The following KAZN variants were observed in gnomAD, a reference collection of about 807,000 sequenced individuals.
KAZN encodes kazrin, periplakin interacting protein.
KAZN carries 40 observed loss-of-function variants against 87.4 expected under a neutral mutation model. That is an observed-to-expected ratio of 0.46 (90% CI 0.36 to 0.60). KAZN has a LOEUF of 0.60. KAZN is among the 20% of genes least tolerant of loss of function. The pLI is 0.00. For missense variants in KAZN, 898 were observed against 1,073.9 expected, an observed-to-expected ratio of 0.84 and a Z score of 2.29; for synonymous variants, 466 against 458.3, an observed-to-expected ratio of 1.02 and a Z score of -0.22.
Position 14,194,751 on chromosome 1 carries a change from G to A in KAZN, c.249+14159G>A, listed in dbSNP as rs147909745. 3.4e-3 allele frequency among the ~76,000 whole-genome samples: 525 copies of A among 152,272 alleles called. 1 individual carries two copies. Among genetic ancestry groups the A allele is most frequent in the Middle Eastern group, 6.8e-3 (2 of 294 alleles). ...GGAGGGCATGGGCCCTTGAGGGAACGTAGCCAGCCTAAATCAGAGCAGCTG... is the reference window on the plus strand; with the variant it reads ...GGAGGGCATGGGCCCTTGAGGGAACATAGCCAGCCTAAATCAGAGCAGCTG... On this transcript the variant is annotated intron_variant, in intron 2 of 16. Transcript: ENST00000636203.
At chr1:14,060,173 C>G (rs1218543425) in intron 1 of KAZN, among the ~76,000 whole-genome samples, 1 of 152,004 alleles carries the variant, frequency 6.6e-6, no homozygotes, top group African/African-American at 2.4e-5. Context: ...ACCATCCTAG[C>G]TAACACAGTG....
chr1:14,327,668 G>T (rs1298744007), intron 2 of KAZN, among the ~76,000 whole-genome samples: 2 of 151,808 alleles, frequency 1.3e-5, no homozygotes, highest in Non-Finnish European at 2.9e-5. Flanking sequence ...AACCTGGAAA[G>T]TTGTGGTAGA....
intron 3 of KAZN, among the ~76,000 whole-genome samples, chr1:15,043,070 A>G (rs921355740): frequency 3.9e-5 from 6 of 152,320 alleles, no homozygotes; most frequent in Admixed American, 6.5e-5. Flanking sequence ...GGACAATCAC[A>G]GAAAACAGCT....
chr1:14,321,114 C>G (rs916854586), intron 2 of KAZN, among the ~76,000 whole-genome samples: 3 of 152,256 alleles, frequency 2.0e-5, no homozygotes, highest in Middle Eastern at 3.4e-3. Context: ...AAAAAATGTA[C>G]CATGAAGCAC....
At chr1:14,255,135 A>G (rs868373063) in intron 2 of KAZN, among the ~76,000 whole-genome samples, 10 of 140,652 alleles carry the variant, frequency 7.1e-5, no homozygotes, top group East Asian at 4.2e-4. Context: ...AAAAAAAAAA[A>G]AAAAAGAAGA....
At position 14,520,023 on chromosome 1, in the gene KAZN, G is replaced by A. The variant is rs190640013; in HGVS notation, c.250-78960G>A. Among the ~76,000 whole-genome samples the A allele has an allele frequency of 1.4e-3, 213 of 152,260 alleles. 2 individuals are homozygous for A. Among genetic ancestry groups the A allele is most frequent in the Admixed American group, 0.013 (192 of 15,298 alleles). On this transcript the variant is annotated intron_variant, in intron 2 of 16. Coordinates refer to the KAZN transcript ENST00000636203. ...CATTGCACAGATCGTGCCATAGGTG[G>A]TGGCAAGAAGACGCCTTATAATTGG... is the stretch of plus-strand genomic sequence containing the variant.
chr1:14,480,581 ATAT>A (rs1403452354), intron 2 of KAZN, among the ~76,000 whole-genome samples: 4 of 147,024 alleles, frequency 2.7e-5, no homozygotes, highest in African/African-American at 7.4e-5. Context: ...ATAATACATA[ATAT>A]TCATATTATA....
intron 1 of KAZN, among the ~76,000 whole-genome samples, chr1:14,766,868 CACATACAGTAA>C (rs1285517661): frequency 6.6e-6 from 1 of 151,894 alleles, no homozygotes; most frequent in Non-Finnish European, 1.5e-5. Flanking sequence ...CCCATGCGTT[CACATACAGTAA>C]ACATTCAGTG....
At chr1:14,137,048 C>A (rs907618840) in intron 1 of KAZN, among the ~76,000 whole-genome samples, 1 of 152,188 alleles carries the variant, frequency 6.6e-6, no homozygotes, top group Admixed American at 6.5e-5. Context: ...TCTTTGTCTT[C>A]TGAGGCAGGA....
At chr1:14,954,542 G>C (rs549781576) in intron 1 of KAZN, among the ~76,000 whole-genome samples, 2 of 152,194 alleles carry the variant, frequency 1.3e-5, no homozygotes, top group African/African-American at 4.8e-5. Context: ...GGAGAGCTTC[G>C]TGCAGTCATG....
At chr1:14,272,712 G>C (rs1652045269) in intron 2 of KAZN, among the ~76,000 whole-genome samples, 1 of 151,980 alleles carries the variant, frequency 6.6e-6, no homozygotes. Context: ...CAAAAAATTA[G>C]CTGGGCATGG....
intron 1 of KAZN, among the ~76,000 whole-genome samples, chr1:14,847,750 G>T (rs1360245065): frequency 6.6e-6 from 1 of 152,214 alleles, no homozygotes; most frequent in African/African-American, 2.4e-5. Context: ...GGAAGCCGAG[G>T]TGGGAGGATC....
chr1:14,257,792 G>A (rs1201686702), intron 2 of KAZN, among the ~76,000 whole-genome samples: 2 of 103,638 alleles, frequency 1.9e-5, no homozygotes, highest in Admixed American at 1.2e-4. Context: ...GGGGACTGTG[G>A]TGGGGTCGGG....
intron 2 of KAZN, among the ~76,000 whole-genome samples, chr1:14,370,488 T>A (rs1660389837): frequency 6.6e-6 from 1 of 152,146 alleles, no homozygotes; most frequent in South Asian, 2.1e-4. Flanking sequence ...GAGGGTGGTT[T>A]GGGGAGGGGA....
chr1:14,556,752 A>G (rs1304394998), intron 2 of KAZN, among the ~76,000 whole-genome samples: 1 of 152,184 alleles, frequency 6.6e-6, no homozygotes, highest in East Asian at 1.9e-4. Flanking sequence ...CTGATCTGAG[A>G]TTCTCCATCT....
chr1:14,422,967 C>A (rs1342443607), intron 2 of KAZN, among the ~76,000 whole-genome samples: 1 of 152,242 alleles, frequency 6.6e-6, no homozygotes, highest in African/African-American at 2.4e-5. Context: ...TGACTTGTAG[C>A]AGCCCTTTGT....
intron 4 of KAZN, among the ~76,000 whole-genome samples, chr1:15,047,479 G>A (rs558312359): frequency 1.9e-4 from 29 of 152,304 alleles, no homozygotes; most frequent in East Asian, 1.4e-3. Context: ...CAGAAGCCAC[G>A]GCAGCTGCAG....
intron 8 of KAZN, among the ~76,000 whole-genome samples, chr1:15,076,676 T>G (rs766541311): frequency 6.8e-4 from 103 of 152,148 alleles, no homozygotes; most frequent in Non-Finnish European, 1.1e-3. Flanking sequence ...ACTTTTCTCA[T>G]CTGTAAAATG....
At chr1:14,168,219 T>C (rs151295696) in intron 1 of KAZN, among the ~76,000 whole-genome samples, 1 of 152,308 alleles carries the variant, frequency 6.6e-6, no homozygotes, top group Non-Finnish European at 1.5e-5. Flanking sequence ...GGCGACTTTA[T>C]TGTAACGCAT....
Sources: allele counts gnomAD v4.1 joint callset (sites outside exome capture counted in the v4.1 genomes callset), GRCh38; gene constraint gnomAD v4.1.1; transcripts MANE v1.5; gene names NCBI Gene and HGNC (gene_info 2026-07-23, HGNC 2026-07-21).